The following DCAKD variants were observed in gnomAD, a reference collection of about 807,000 sequenced individuals.
DCAKD encodes the protein dephospho-CoA kinase domain-containing protein.
A neutral mutation model predicts 18.7 loss-of-function variants in DCAKD; 15 were observed. The ratio of observed to expected loss-of-function variants is 0.80; its 90% CI spans 0.54 to 1.24. The LOEUF (loss-of-function observed/expected upper bound fraction) is 1.24. Among genes scored for constraint, DCAKD ranks in the 50% most tolerant of loss-of-function variants. DCAKD has a pLI of 0.00. For synonymous variants in DCAKD, 130 were observed against 133.0 expected, an observed-to-expected ratio of 0.98 and a Z score of 0.16; for missense variants, 301 against 322.0, an observed-to-expected ratio of 0.93 and a Z score of 0.50.
intron 1 of DCAKD, among the ~76,000 whole-genome samples, chr17:45,042,203 C>T (rs1263103043): frequency 6.6e-6 from 1 of 152,184 alleles, no homozygotes; most frequent in Non-Finnish European, 1.5e-5. Context: ...GGAGCCTCAT[C>T]CAATCCCCCA....
At chr17:45,061,099 C>G in exon 1 of DCAKD, 1 of 1,319,008 alleles carries the variant, frequency 7.6e-7, no homozygotes, top group Non-Finnish European at 9.7e-7. Context: ...TTCCTCAAAG[C>G]GTGGCCGAAT....
rs1389306465 is a variant in DCAKD, at chr17:45,023,350, T to C, written c.*1083A>G. The C allele has an allele frequency of 3.3e-5, 5 of 152,158 alleles. No individual in the cohort carries two copies. In the East Asian group the frequency reaches 9.7e-4, roughly 29 times the overall value. 9.4% of individuals were successfully genotyped at this position (152,158 alleles called of 1,614,324 possible). ...CCAAGTCTGGGAATCTTGGTTGGTC[T>C]GGGGCATTTCAGATCAACACACTTT... On this transcript the variant is annotated 3_prime_UTR_variant, in exon 5 of 5. Coordinates refer to ENST00000651974, the MANE Select transcript of DCAKD (RefSeq NM_001288655.2).
chr17:45,058,478 G>A (rs989733765), intron 1 of DCAKD, among the ~76,000 whole-genome samples: 10 of 151,710 alleles, frequency 6.6e-5, no homozygotes, highest in Non-Finnish European at 1.3e-4. Context: ...GGAGTGCAGT[G>A]GCAGAATCTT....
At chr17:45,030,424 G>A (rs957367642) in intron 3 of DCAKD, among the ~76,000 whole-genome samples, 27 of 152,310 alleles carry the variant, frequency 1.8e-4, no homozygotes, top group Non-Finnish European at 3.5e-4. Context: ...TTGAAAAGTG[G>A]GGGGCAGGTC....
intron 3 of DCAKD, 146 bp from the exon 4 acceptor site, chr17:45,030,325 A>G: frequency 1.4e-6 from 1 of 698,458 alleles, no homozygotes; most frequent in Non-Finnish European, 2.6e-6. Context: ...GCCGGTTCCA[A>G]TGCCGTGCAG....
In DCAKD at chr17:45,058,638, T is replaced by C. The variant is rs1046409873; in HGVS notation, c.-118+2250A>G. Reference sequence around the variant, plus strand: ...GGTTTCGCCACGTTGGCCAGGCTGGTCTCGAACTCCTGACCTCAGGTGATC... The same window carrying C: ...GGTTTCGCCACGTTGGCCAGGCTGGCCTCGAACTCCTGACCTCAGGTGATC... On this transcript the variant is annotated intron_variant, in intron 1 of 4. Coordinates refer to the DCAKD transcript ENST00000310604. 3.3e-5 allele frequency among the ~76,000 whole-genome samples: 5 copies of C among 150,918 alleles called. No homozygotes were observed. In the South Asian group the frequency reaches 1.0e-3, roughly 32 times the overall value.
intron 1 of DCAKD, among the ~76,000 whole-genome samples, chr17:45,038,581 G>C (rs954898368): frequency 6.6e-6 from 1 of 152,210 alleles, no homozygotes; most frequent in East Asian, 1.9e-4. Context: ...AATCGATTCA[G>C]AGCCAAAGAG....
intron 3 of DCAKD, chr17:45,032,031 A>G: frequency 1.0e-6 from 1 of 985,408 alleles, no homozygotes; most frequent in Non-Finnish European, 1.2e-6. Flanking sequence ...TGACACAGTG[A>G]AAGAGCTTTG....
chr17:45,031,070 A>G lies in DCAKD; in HGVS notation c.317-891T>C, dbSNP rs753884274. On this transcript the variant is annotated intron_variant, in intron 3 of 4. Coordinates refer to ENST00000651974, the MANE Select transcript of DCAKD (RefSeq NM_001288655.2). ...AGAGCAAGAAGGGTAAGAGATAGGAAAATGCTTCTCTGCCCAGAGACCCCT... is the reference window on the plus strand; with the variant it reads ...AGAGCAAGAAGGGTAAGAGATAGGAGAATGCTTCTCTGCCCAGAGACCCCT... 6 of 985,260 alleles carry G rather than the reference A, an allele frequency of 6.1e-6. No homozygotes were observed. The Admixed American group carries it at 1.8e-4, about 30-fold the overall frequency. The allele number at this position is 985,260 out of a possible 1,614,324, so 61.0% of individuals were successfully genotyped here.
chr17:45,026,127 C>T (rs2053049902), intron 4 of DCAKD, among the ~76,000 whole-genome samples: 1 of 152,008 alleles, frequency 6.6e-6, no homozygotes, highest in South Asian at 2.1e-4. Context: ...CCATGTTGGC[C>T]AGGCTGGTCT....
intron 4 of DCAKD, among the ~76,000 whole-genome samples, chr17:45,029,201 G>A (rs954736161): frequency 6.6e-6 from 1 of 152,246 alleles, no homozygotes; most frequent in Admixed American, 6.5e-5. Flanking sequence ...CTGAGAGGAT[G>A]CCTGCGTCCC....
In DCAKD at chr17:45,024,688, C is replaced by A; in HGVS notation, c.441G>T (p.Arg147=). ...CTGCGTCCTTGCGGTTCAGGCTGTTCCGCCGCATCAGCCGTGCCAGCTGTG... is the reference window on the plus strand; with the variant it reads ...CTGCGTCCTTGCGGTTCAGGCTGTTACGCCGCATCAGCCGTGCCAGCTGTG... ...RDTQLARLMR[R]NSLNRKDAEA... is the part of the protein sequence containing the mutation. The change falls in exon 5 of 5, where the codon CGG becomes CGT. Residue 147 remains arginine, a synonymous_variant. Coordinates refer to ENST00000651974, the MANE Select transcript of DCAKD (RefSeq NM_001288655.2). 1 of 1,597,060 alleles carries A rather than the reference C, an allele frequency of 6.3e-7. No homozygotes were observed.
At chr17:45,035,167 A>T in intron 1 of DCAKD, 168 bp from the exon 2 acceptor site, 1 of 372,258 alleles carries the variant, frequency 2.7e-6, no homozygotes, top group Non-Finnish European at 5.0e-6. Context: ...GGCCTCCAGT[A>T]TTTTAAAAAC....
At chr17:45,037,231 T>C (rs1354991976) in intron 1 of DCAKD, among the ~76,000 whole-genome samples, 2 of 152,074 alleles carry the variant, frequency 1.3e-5, no homozygotes, top group Admixed American at 1.3e-4. Context: ...TTTGGGAGGT[T>C]GAGGCAGGAG....
chr17:45,025,368 G>A (rs1444940077), intron 4 of DCAKD, among the ~76,000 whole-genome samples: 2 of 152,154 alleles, frequency 1.3e-5, no homozygotes, highest in African/African-American at 4.8e-5. Flanking sequence ...GCTTCAAAGA[G>A]GATCAAGGAC....
chr17:45,046,918 C>T (rs1381272912), intron 1 of DCAKD, among the ~76,000 whole-genome samples: 2 of 152,042 alleles, frequency 1.3e-5, no homozygotes, highest in African/African-American at 4.8e-5. Flanking sequence ...CCAGAAAGGG[C>T]AATTCAAAAG....
chr17:45,042,424 C>T (rs776499147), intron 1 of DCAKD, among the ~76,000 whole-genome samples: 5 of 152,228 alleles, frequency 3.3e-5, no homozygotes, highest in Non-Finnish European at 4.4e-5. Flanking sequence ...AACAGACCCG[C>T]CCCTGCGTGT....
chr17:45,042,715 T>A (rs1244833085), intron 1 of DCAKD, among the ~76,000 whole-genome samples: 5 of 152,240 alleles, frequency 3.3e-5, no homozygotes, highest in Non-Finnish European at 5.9e-5. Flanking sequence ...CCACTCCTAA[T>A]CTTTCATTAT....
chr17:45,047,434 C>A (rs953424238), intron 1 of DCAKD, among the ~76,000 whole-genome samples: 8 of 151,556 alleles, frequency 5.3e-5, no homozygotes, highest in Non-Finnish European at 1.0e-4. Flanking sequence ...AGGCATGCAC[C>A]AACACGCCCG....
Sources: gnomAD v4.1 joint callset for allele counts (sites outside exome capture counted in the v4.1 genomes callset) on GRCh38, gnomAD v4.1.1 for gene constraint, MANE v1.5 for transcripts, NCBI Gene and HGNC (gene_info 2026-07-23, HGNC 2026-07-21) for gene names.